Variants in MAMDC2 observed in about 807,000 individuals in gnomAD.
MAMDC2 encodes MAM domain-containing protein 2.
In MAMDC2, 57 loss-of-function variants were observed where a neutral mutation model predicts 89.8. The observed-to-expected ratio is 0.63, with a 90% CI of 0.51 to 0.79. MAMDC2 has a LOEUF of 0.79. Among genes scored for constraint, MAMDC2 ranks in the 30% least tolerant of loss-of-function variants. The pLI is 0.00. For missense variants in MAMDC2, 800 were observed against 820.6 expected, an observed-to-expected ratio of 0.97 and a Z score of 0.31; for synonymous variants, 313 against 293.4, an observed-to-expected ratio of 1.07 and a Z score of -0.68.
At position 70,043,905 on chromosome 9, in the gene MAMDC2, C is replaced by T. The variant is rs1826665639; in HGVS notation, c.-293C>T. 1 of 551,900 alleles carries T rather than the reference C, an allele frequency of 1.8e-6. No homozygotes were observed. The allele number at this position is 551,900 out of a possible 1,614,324, so 34.2% of individuals were successfully genotyped here. On this transcript the variant is annotated 5_prime_UTR_variant, in exon 1 of 14. Coordinates refer to ENST00000377182, the MANE Select transcript of MAMDC2 (RefSeq NM_153267.5). ...CTTTCAAAGTGTGCAGTTGTCTCCT[C>T]CCTGTCCAGCCCCATCGTCGCCCAG...
chr9:70,056,232 C>G (rs947585274), intron 2 of MAMDC2, among the ~76,000 whole-genome samples: 1 of 152,186 alleles, frequency 6.6e-6, no homozygotes, highest in Admixed American at 6.5e-5. Context: ...CTACAGATTT[C>G]TTCTATTTCT....
intron 11 of MAMDC2, among the ~76,000 whole-genome samples, chr9:70,182,046 T>C (rs1049828060): frequency 2.6e-5 from 4 of 152,238 alleles, no homozygotes; most frequent in Admixed American, 2.6e-4. Flanking sequence ...CCTAGTTTAT[T>C]GAGAGTTTTT....
At chr9:70,059,604 C>T (rs539420637) in intron 2 of MAMDC2, among the ~76,000 whole-genome samples, 2 of 152,164 alleles carry the variant, frequency 1.3e-5, no homozygotes, top group South Asian at 2.1e-4. Flanking sequence ...ACAAAACCAA[C>T]GCCATGTTCC....
chr9:70,173,165 A>AT (rs2032402332), intron 11 of MAMDC2, among the ~76,000 whole-genome samples: 1 of 152,114 alleles, frequency 6.6e-6, no homozygotes, highest in African/African-American at 2.4e-5. Flanking sequence ...ATGGCAACAC[A>AT]GTGGCTGTAG....
At chr9:70,176,584 A>C (rs751059268) in intron 11 of MAMDC2, among the ~76,000 whole-genome samples, 6 of 152,204 alleles carry the variant, frequency 3.9e-5, no homozygotes, top group Admixed American at 1.3e-4. Context: ...TTTTTAAAGT[A>C]AATTTTTTCT....
chr9:70,165,735 G>T (rs1347642841), intron 9 of MAMDC2, among the ~76,000 whole-genome samples: 1 of 152,224 alleles, frequency 6.6e-6, no homozygotes, highest in Non-Finnish European at 1.5e-5. Flanking sequence ...CATACCTGCT[G>T]TGTCCAATTC....
chr9:70,186,883 G>A (rs748221677), intron 11 of MAMDC2, among the ~76,000 whole-genome samples: 3 of 152,078 alleles, frequency 2.0e-5, no homozygotes, highest in Admixed American at 6.5e-5. Context: ...CAGTTCTTAC[G>A]TGAACTAATA....
At chr9:70,178,352 A>G (rs1397358336) in intron 11 of MAMDC2, among the ~76,000 whole-genome samples, 1 of 151,326 alleles carries the variant, frequency 6.6e-6, no homozygotes, top group Non-Finnish European at 1.5e-5. Flanking sequence ...AGAGGGAACC[A>G]AACTCATCCT....
chr9:70,125,032 A>G (rs1298031309), intron 5 of MAMDC2, among the ~76,000 whole-genome samples: 1 of 152,246 alleles, frequency 6.6e-6, no homozygotes, highest in South Asian at 2.1e-4. Context: ...TTAACCAGAA[A>G]TTATGTCATG....
At chr9:70,051,019 T>C (rs1388757824) in intron 2 of MAMDC2, among the ~76,000 whole-genome samples, 1 of 152,238 alleles carries the variant, frequency 6.6e-6, no homozygotes, top group Non-Finnish European at 1.5e-5. Flanking sequence ...TGCTAGTGCC[T>C]CAGCATCAAT....
chr9:70,077,830 T>G (rs539579579), intron 2 of MAMDC2, among the ~76,000 whole-genome samples: 3 of 152,312 alleles, frequency 2.0e-5, no homozygotes, highest in South Asian at 2.1e-4. Flanking sequence ...TTGGTCCATT[T>G]GCAAGAAACA....
chr9:70,089,602 G>T (rs1261041446), intron 2 of MAMDC2, among the ~76,000 whole-genome samples: 1 of 152,098 alleles, frequency 6.6e-6, no homozygotes, highest in Non-Finnish European at 1.5e-5. Flanking sequence ...GTGGAGAGGG[G>T]AAGAGAAAAG....
chr9:70,153,980 CAT>C (rs2031664845), intron 9 of MAMDC2: 1 of 152,156 alleles, frequency 6.6e-6, no homozygotes, highest in Non-Finnish European at 1.5e-5. Context: ...AGCACAGTGA[CAT>C]ATTAGAAACT....
At chr9:70,069,208 G>A (rs999969644) in intron 2 of MAMDC2, among the ~76,000 whole-genome samples, 3 of 152,120 alleles carry the variant, frequency 2.0e-5, no homozygotes, top group African/African-American at 7.2e-5. Context: ...TCAGTTGCAT[G>A]CACACCAAAA....
At position 70,218,573 on chromosome 9, in the gene MAMDC2, T is replaced by C. The variant is rs1237125960; in HGVS notation, c.1888T>C (p.Tyr630His). Reference sequence around the variant, plus strand: ...TTCCTGGCTACGAGCACTGATTGAATACAGCTGTGAGAGGCAACACCAGGT... The same window carrying C: ...TTCCTGGCTACGAGCACTGATTGAACACAGCTGTGAGAGGCAACACCAGGT... ...SISWLRALIEYSCERQHQIIF... is the reference protein window; with the variant it reads ...SISWLRALIEHSCERQHQIIF... Residue 630 changes from tyrosine to histidine, a missense_variant, in exon 12 of 14, where the codon TAC becomes CAC. Tyr to His is a moderately conservative substitution (Grantham distance 83). Coordinates refer to ENST00000377182, the MANE Select transcript of MAMDC2 (RefSeq NM_153267.5). 1.2e-6 allele frequency: 2 copies of C among 1,611,936 alleles called. No individual in the cohort carries two copies. The highest frequency in any genetic ancestry group is 2.2e-5 in the East Asian group (1 of 44,840).
intron 11 of MAMDC2, among the ~76,000 whole-genome samples, chr9:70,186,928 C>T (rs988341120): frequency 2.6e-4 from 40 of 152,110 alleles, no homozygotes; most frequent in Admixed American, 2.0e-3. Flanking sequence ...GGGGATGGCA[C>T]CAAGCCATTC....
At chr9:70,168,621 T>C (rs1377136333) in intron 9 of MAMDC2, 81 bp from the exon 10 acceptor site, 14 of 1,087,702 alleles carry the variant, frequency 1.3e-5, no homozygotes, top group African/African-American at 7.8e-5. Context: ...GCTCGCCTGC[T>C]GTGCTAAGTG....
intron 11 of MAMDC2, chr9:70,175,978 C>G (rs1039262637): frequency 4.6e-5 from 7 of 152,194 alleles, no homozygotes; most frequent in African/African-American, 1.7e-4. Context: ...AAGGTTCTAT[C>G]TCCAAATACA....
chr9:70,062,403 A>G (rs1827168893), intron 2 of MAMDC2: 1 of 152,196 alleles, frequency 6.6e-6, no homozygotes, highest in Non-Finnish European at 1.5e-5. Flanking sequence ...GCTATAGGAA[A>G]AAGAAAGTTT....
Sources: gnomAD v4.1 joint callset for allele counts (sites outside exome capture counted in the v4.1 genomes callset) on GRCh38, gnomAD v4.1.1 for gene constraint, MANE v1.5 for transcripts, NCBI Gene and HGNC (gene_info 2026-07-23, HGNC 2026-07-21) for gene names.